The following GOSR2 variants were observed in gnomAD, a reference collection of about 807,000 sequenced individuals.
The protein encoded by GOSR2 is golgi SNAP receptor complex member 2, also known as 27 kDa Golgi SNARE protein.
GOSR2 carries 20 observed loss-of-function variants against 27.9 expected under a neutral mutation model. The observed-to-expected ratio is 0.72, with a 90% CI of 0.50 to 1.04. GOSR2 has a LOEUF of 1.04. GOSR2 is among the 50% of genes least tolerant of loss of function. The pLI is 0.00. For synonymous variants in GOSR2, 91 were observed against 98.8 expected (o/e 0.92, Z 0.47); for missense variants, 261 against 270.5 (o/e 0.97, Z 0.25).
chr17:46,929,908 A>G (rs1421284028), intron 2 of GOSR2: 3 of 263,590 alleles, frequency 1.1e-5, no homozygotes, highest in Admixed American at 4.8e-5. Flanking sequence ...GAGATGTTTA[A>G]CTGGAATTGG....
At position 46,923,230 on chromosome 17, in the gene GOSR2, C is replaced by G; in HGVS notation, c.29+9C>G. The G allele has an allele frequency of 1.9e-6, 3 of 1,550,800 alleles. No individual in the cohort carries two copies. On this transcript the variant is annotated intron_variant, in intron 1 of 5. Transcript: ENST00000640051. The stretch of plus-strand genomic sequence containing the variant: ...TTCCAGCAAACGCACAAGTGAGGGC[C>G]GGTCGGGGAGCGGGCAGGGGCTAGA...
In GOSR2 at chr17:46,941,955, T is replaced by G. The variant is rs1404410192; in HGVS notation, c.*3195T>G. The G allele has an allele frequency of 4.1e-6, 4 of 985,118 alleles. No homozygotes were observed. The African/African-American group carries it at 7.0e-5, about 17-fold the overall frequency. 61.0% of individuals were successfully genotyped at this position (985,118 alleles called of 1,614,324 possible). A position where few individuals can be genotyped will look rare whatever the true frequency, so the allele number is the denominator to read the frequency against. ...AGACAGAAAGCTTCTGTCTCAAAGA[T>G]GATCACATTGGTGTAAAGAGCAAAA... On this transcript the variant is annotated 3_prime_UTR_variant, in exon 6 of 6. Coordinates refer to ENST00000640051, the MANE Select transcript of GOSR2 (RefSeq NM_004287.5).
intron 6 of GOSR2, among the ~76,000 whole-genome samples, chr17:46,963,018 G>T (rs935513477): frequency 1.3e-5 from 2 of 150,296 alleles, no homozygotes; most frequent in African/African-American, 4.8e-5. Flanking sequence ...ATGCCACATG[G>T]CTAATAAAGA....
chr17:46,961,667 T>A (rs1210641993), intron 6 of GOSR2, among the ~76,000 whole-genome samples: 2 of 152,128 alleles, frequency 1.3e-5, no homozygotes, highest in African/African-American at 2.4e-5. Flanking sequence ...TTATATTTTT[T>A]AAAAAAGGTC....
chr17:46,974,987 CTTTTTTTTTTT>C (rs58438726), intron 6 of GOSR2, among the ~76,000 whole-genome samples: 68 of 119,046 alleles, frequency 5.7e-4, no homozygotes, highest in Admixed American at 7.1e-4. Flanking sequence ...TTACTATTTT[CTTTTTTTTTTT>C]TTTTTTTTTT....
chr17:46,936,794 A>G, intron 5 of GOSR2: 1 of 984,604 alleles, frequency 1.0e-6, no homozygotes, highest in Non-Finnish European at 1.2e-6. Context: ...AAAAAAATAC[A>G]AATACATTTC....
In GOSR2 at chr17:46,931,871, T is replaced by C. The variant is rs2087444582; in HGVS notation, c.204-196T>C. 8.0e-6 allele frequency: 5 copies of C among 622,402 alleles called. No individual in the cohort carries two copies. The Admixed American group carries it at 1.3e-4, about 16-fold the overall frequency. The allele number at this position is 622,402 out of a possible 1,614,324, so 38.6% of individuals were successfully genotyped here. ...GCTGCTGGAATCTTGTGTGCTACCA[T>C]CTCACTTTAACCACAAGTTTCTTCT... On this transcript the variant is annotated intron_variant, in intron 3 of 5. Coordinates refer to ENST00000640051, the MANE Select transcript of GOSR2 (RefSeq NM_004287.5).
chr17:46,957,927 G>A (rs2090825232), intron 6 of GOSR2, among the ~76,000 whole-genome samples: 1 of 152,214 alleles, frequency 6.6e-6, no homozygotes, highest in South Asian at 2.1e-4. Context: ...AGTGTGCCTA[G>A]CATGGCAATG....
chr17:46,941,068 TG>T lies in GOSR2; in HGVS notation c.*2309del. 1.8e-6 allele frequency: 2 copies of T among 1,082,384 alleles called. No homozygotes were observed. Among genetic ancestry groups the T allele is most frequent in the Middle Eastern group, 8.7e-4 (2 of 2,292 alleles). The allele number at this position is 1,082,384 out of a possible 1,614,324, so 67.0% of individuals were successfully genotyped here. ...AAGAAACTCCGGTAGCCAGCCTCTG[TG>T]ACCTTGTACATGAGTTTGGTGTGCC... On this transcript the variant is annotated 3_prime_UTR_variant, in exon 6 of 6. Coordinates refer to ENST00000640051, the MANE Select transcript of GOSR2 (RefSeq NM_004287.5).
At chr17:46,962,881 G>A (rs2091144301) in intron 6 of GOSR2, among the ~76,000 whole-genome samples, 1 of 152,212 alleles carries the variant, frequency 6.6e-6, no homozygotes, top group African/African-American at 2.4e-5. Context: ...ATCTCTTTCA[G>A]TGTGTGCTAG....
chr17:46,926,745 G>A (rs906354961), intron 1 of GOSR2, among the ~76,000 whole-genome samples: 1 of 152,184 alleles, frequency 6.6e-6, no homozygotes. Flanking sequence ...TGTTTTCTTA[G>A]CATGAAATGT....
At chr17:46,931,766 A>G (rs955244142) in intron 3 of GOSR2, 12 of 477,746 alleles carry the variant, frequency 2.5e-5, no homozygotes, top group Admixed American at 1.3e-4. Flanking sequence ...TAGAAGGTCA[A>G]GAAGAGGTCA....
At chr17:46,974,733 C>CA (rs373010361) in intron 6 of GOSR2, among the ~76,000 whole-genome samples, 25 of 64,424 alleles carry the variant, frequency 3.9e-4, no homozygotes, top group Admixed American at 7.6e-4. Context: ...GACTCTCTCT[C>CA]AAAAAAAAAA....
chr17:46,969,972 G>C (rs2091374371), downstream of GOSR2, among the ~76,000 whole-genome samples: 1 of 152,172 alleles, frequency 6.6e-6, no homozygotes, highest in Non-Finnish European at 1.5e-5. Flanking sequence ...AACACAGGCT[G>C]TGCAAGCAGA....
chr17:46,923,461 G>C (rs561373587), intron 1 of GOSR2: 1 of 1,402,260 alleles, frequency 7.1e-7, no homozygotes, highest in East Asian at 2.6e-5. Context: ...CTGCAAGTTC[G>C]TGACTACCTG....
intron 5 of GOSR2, chr17:46,935,477 A>T: frequency 7.3e-7 from 1 of 1,364,624 alleles, no homozygotes; most frequent in Non-Finnish European, 9.4e-7. Context: ...CAGGCTGAGA[A>T]ATTGTGTTAC....
intron 1 of GOSR2, 172 bp downstream of exon 1, chr17:46,923,393 C>T: frequency 5.5e-6 from 8 of 1,459,316 alleles, no homozygotes; most frequent in Non-Finnish European, 7.2e-6. Context: ...CCCAGGTCAG[C>T]CACAGACAGT....
chr17:46,923,647 G>C lies in GOSR2; in HGVS notation c.29+426G>C, dbSNP rs931350011. On this transcript the variant is annotated intron_variant, in intron 1 of 5. Coordinates refer to ENST00000640051, the MANE Select transcript of GOSR2 (RefSeq NM_004287.5). ...GGAGAGTCAGGGCACGTACGGGAAA[G>C]TATTTGTATTCTTATTCGATTTATA... is the stretch of plus-strand genomic sequence containing the variant. 5.3e-6 allele frequency: 6 copies of C among 1,131,558 alleles called. No individual in the cohort carries two copies. The East Asian group carries it at 1.6e-4, about 30-fold the overall frequency. 70.1% of individuals were successfully genotyped at this position (1,131,558 alleles called of 1,614,324 possible).
At chr17:46,969,125 GCTCTGGCTCCCCTCCA>G (rs1218882719), downstream of GOSR2, among the ~76,000 whole-genome samples, 4 of 152,166 alleles carry the variant, frequency 2.6e-5, 1 homozygote, top group South Asian at 6.2e-4. Flanking sequence ...AGCCGATCTC[GCTCTGGCTCCCCTCCA>G]CTCTGGCTCC....
Sources: allele counts gnomAD v4.1 joint callset (sites outside exome capture counted in the v4.1 genomes callset), GRCh38; gene constraint gnomAD v4.1.1; transcripts MANE v1.5; gene names NCBI Gene and HGNC (gene_info 2026-07-23, HGNC 2026-07-21).